Variants in AFTPH observed in about 807,000 individuals in gnomAD.
The protein encoded by AFTPH is aftiphilin.
A neutral mutation model predicts 72.5 loss-of-function variants in AFTPH; 7 were observed. The ratio of observed to expected loss-of-function variants is 0.10; its 90% CI spans 0.05 to 0.18. AFTPH has a LOEUF of 0.18. Ranked by LOEUF, AFTPH falls within the 10% of genes least tolerant of loss-of-function variation. AFTPH has a pLI of 1.00. For missense variants in AFTPH, 979 were observed against 1,060.5 expected, an observed-to-expected ratio of 0.92 and a Z score of 1.07; for synonymous variants, 337 against 370.1, an observed-to-expected ratio of 0.91 and a Z score of 1.03.
intron 2 of AFTPH, among the ~76,000 whole-genome samples, chr2:64,556,050 C>T (rs1293523444): frequency 6.8e-6 from 1 of 147,692 alleles, no homozygotes; most frequent in Non-Finnish European, 1.5e-5. Flanking sequence ...TGCAGTGGCA[C>T]GATCTCAGCT....
At chr2:64,592,115 T>TAAAAAA (rs35699964) in exon 9 of AFTPH, 104 of 847,130 alleles carry the variant, frequency 1.2e-4, no homozygotes, top group South Asian at 2.7e-4. Context: ...CTGCTCTAAT[T>TAAAAAA]AAAAAAAAAA....
chr2:64,526,154 C>A (rs1014964523), intron 1 of AFTPH, among the ~76,000 whole-genome samples: 2 of 152,186 alleles, frequency 1.3e-5, no homozygotes, highest in South Asian at 4.1e-4. Context: ...ATAATATGTC[C>A]TTAATAGCCT....
intron 4 of AFTPH, 99 bp downstream of exon 4, chr2:64,569,317 G>A: frequency 7.0e-7 from 1 of 1,422,432 alleles, no homozygotes; most frequent in Non-Finnish European, 9.5e-7. Flanking sequence ...TAGTTCCTCA[G>A]AAAATAAATA....
At chr2:64,571,554 T>C (rs1672433123) in intron 5 of AFTPH, among the ~76,000 whole-genome samples, 1 of 152,232 alleles carries the variant, frequency 6.6e-6, no homozygotes, top group Non-Finnish European at 1.5e-5. Context: ...TCAGATGTGC[T>C]ACTGTTAAGA....
At chr2:64,592,256 A>T in exon 9 of AFTPH, 1 of 373,934 alleles carries the variant, frequency 2.7e-6, no homozygotes, top group South Asian at 6.9e-5. Flanking sequence ...GGGGGTAAAC[A>T]TTTTTGAAGA....
At chr2:64,569,182 G>A in exon 4 of AFTPH, 1 of 1,613,938 alleles carries the variant, frequency 6.2e-7, no homozygotes, top group Non-Finnish European at 8.5e-7. Context: ...GCAACAAGAA[G>A]CTTTTGTCCT....
chr2:64,537,247 AAAC>A (rs755063599), intron 1 of AFTPH, among the ~76,000 whole-genome samples: 12 of 152,176 alleles, frequency 7.9e-5, no homozygotes, highest in Non-Finnish European at 1.5e-4. Flanking sequence ...AAAAGAATGG[AAAC>A]AACAGACACC....
chr2:64,576,701 G>A (rs1054593876), intron 6 of AFTPH, among the ~76,000 whole-genome samples: 3 of 152,082 alleles, frequency 2.0e-5, no homozygotes, highest in African/African-American at 7.2e-5. Flanking sequence ...TATTTTAGTT[G>A]TGAATCAGAA....
At chr2:64,557,373 G>A (rs916239828) in intron 2 of AFTPH, among the ~76,000 whole-genome samples, 1 of 152,194 alleles carries the variant, frequency 6.6e-6, no homozygotes, top group African/African-American at 2.4e-5. Context: ...AATGCTACAG[G>A]GAAAATGCTG....
chr2:64,546,004 T>TCCC (rs1670591090), intron 1 of AFTPH, among the ~76,000 whole-genome samples: 1 of 152,068 alleles, frequency 6.6e-6, no homozygotes, highest in African/African-American at 2.4e-5. Flanking sequence ...GCAATTCTCC[T>TCCC]GCTTCATCCT....
At chr2:64,544,517 G>A (rs979997169) in intron 1 of AFTPH, among the ~76,000 whole-genome samples, 1 of 152,116 alleles carries the variant, frequency 6.6e-6, no homozygotes, top group Non-Finnish European at 1.5e-5. Context: ...AGTCCATTAC[G>A]AAGGATGAAG....
chr2:64,528,925 A>G (rs988076079), intron 1 of AFTPH, among the ~76,000 whole-genome samples: 7 of 152,186 alleles, frequency 4.6e-5, no homozygotes, highest in Non-Finnish European at 8.8e-5. Context: ...TGTTATATAG[A>G]AAATAGACTA....
chr2:64,587,134 G>GA (rs1385203005), intron 8 of AFTPH, among the ~76,000 whole-genome samples: 1 of 152,156 alleles, frequency 6.6e-6, no homozygotes, highest in Non-Finnish European at 1.5e-5. Context: ...GAAACATGCT[G>GA]AATCTAGAGA....
chr2:64,560,252 G>A (rs916789498), intron 2 of AFTPH, among the ~76,000 whole-genome samples: 37 of 152,068 alleles, frequency 2.4e-4, no homozygotes, highest in Admixed American at 3.9e-4. Context: ...CCACTACCCC[G>A]AGACATAAAG....
intron 2 of AFTPH, among the ~76,000 whole-genome samples, chr2:64,563,709 T>C (rs555819676): frequency 4.6e-5 from 7 of 152,232 alleles, no homozygotes; most frequent in African/African-American, 1.4e-4. Flanking sequence ...GTTCAAGTGA[T>C]TCTCTTTGCC....
chr2:64,557,025 A>C lies in AFTPH; in HGVS notation c.1935+3616A>C, dbSNP rs569555782. Among the ~76,000 whole-genome samples, 53 of 152,330 alleles carry C rather than the reference A, an allele frequency of 3.5e-4. 1 individual carries two copies. The South Asian group carries it at 6.2e-3, about 18-fold the overall frequency. On this transcript the variant is annotated intron_variant, in intron 2 of 8. Transcript: ENST00000238856. ...TAAAACAACAAAATGCAACAACAAC[A>C]ACAAAACCTTCCTTACATTTCAAAG...
chr2:64,553,611 G>C (rs575108782), intron 2 of AFTPH, among the ~76,000 whole-genome samples: 1 of 150,920 alleles, frequency 6.6e-6, no homozygotes, highest in South Asian at 2.1e-4. Flanking sequence ...GTAAAGCGCA[G>C]TAAGATTTTT....
chr2:64,545,013 G>A (rs772325866), intron 1 of AFTPH, among the ~76,000 whole-genome samples: 2 of 152,158 alleles, frequency 1.3e-5, no homozygotes, highest in Non-Finnish European at 2.9e-5. Context: ...AAAAACTTGC[G>A]GAGTTGTTGC....
intron 1 of AFTPH, chr2:64,525,446 CTCAT>C (rs1669200345): frequency 6.5e-6 from 1 of 154,250 alleles, no homozygotes; most frequent in Non-Finnish European, 1.5e-5. Context: ...GAAGAACTGA[CTCAT>C]ACATGTAAAT....
Sources: allele counts gnomAD v4.1 joint callset (sites outside exome capture counted in the v4.1 genomes callset), GRCh38; gene constraint gnomAD v4.1.1; transcripts MANE v1.5; gene names NCBI Gene and HGNC (gene_info 2026-07-23, HGNC 2026-07-21).